The following ZNF423 variants were observed in gnomAD, a reference collection of about 807,000 sequenced individuals.
The protein encoded by ZNF423 is zinc finger protein 423.
ZNF423 carries 12 observed loss-of-function variants against 95.8 expected under a neutral mutation model. The observed-to-expected ratio is 0.13, with a 90% CI of 0.08 to 0.20. The LOEUF (loss-of-function observed/expected upper bound fraction) is 0.20. ZNF423 is among the 10% of genes least tolerant of loss of function. ZNF423 has a pLI of 1.00. For missense variants in ZNF423, 1,316 were observed against 1,737.1 expected (o/e 0.76, Z 4.31); for synonymous variants, 749 against 711.9 (o/e 1.05, Z -0.83).
At chr16:49,839,239 C>T (rs558838261) in intron 1 of ZNF423, among the ~76,000 whole-genome samples, 60 of 152,168 alleles carry the variant, frequency 3.9e-4, no homozygotes, top group Admixed American at 2.4e-3. Flanking sequence ...TCAGATCCCA[C>T]CTCCCGTCCT....
At position 49,635,871 on chromosome 16, in the gene ZNF423, C is replaced by A; in HGVS notation, c.3305G>T (p.Gly1102Val). The change falls in exon 4 of 8, where the codon GGC (glycine) becomes GTC (valine). Residue 1102 changes from glycine (G) to valine (V), a missense_variant. Transcript: ENST00000563137. The surrounding 1 kb of genome is among the most constrained non-coding windows in gnomAD (Gnocchi z 4.8). ...VNGLPYGLCA[G>V]CMARSANGQV... ...TCCGTTGGCGCTGCGGGCCATGCAG[C>A]CGGCGCAGAGGCCGTAGGGCAGCCC... 1 of 1,586,492 alleles carries A rather than the reference C, an allele frequency of 6.3e-7. No homozygotes were observed. The highest frequency in any genetic ancestry group is 8.6e-7 in the Non-Finnish European group (1 of 1,168,924).
chr16:49,811,876 G>T (rs1185265210), intron 1 of ZNF423, among the ~76,000 whole-genome samples: 1 of 151,080 alleles, frequency 6.6e-6, no homozygotes, highest in Non-Finnish European at 1.5e-5. Context: ...GCCAGCCACC[G>T]CCAGCCAGAA....
chr16:49,842,366 C>CAGGAAGGAAGGAAGGAAGGAAGGAAGGA (rs779305459), intron 1 of ZNF423, among the ~76,000 whole-genome samples: 80 of 65,136 alleles, frequency 1.2e-3, no homozygotes, highest in Non-Finnish European at 1.7e-3. Flanking sequence ...GGGAGAGAGA[C>CAGGAAGGAAGGAAGGAAGGAAGGAAGGA]AGGAAGGAAG....
At chr16:49,790,536 A>T (rs1017921758) in intron 1 of ZNF423, among the ~76,000 whole-genome samples, 1 of 152,202 alleles carries the variant, frequency 6.6e-6, no homozygotes, top group Non-Finnish European at 1.5e-5. Flanking sequence ...ACCACTGTTG[A>T]CCGGGGTACA....
intron 2 of ZNF423, among the ~76,000 whole-genome samples, chr16:49,740,143 G>C (rs2033383530): frequency 6.6e-6 from 1 of 152,094 alleles, no homozygotes; most frequent in African/African-American, 2.4e-5. Context: ...TGGGATTACA[G>C]AAGTGAGCCA....
intron 5 of ZNF423, among the ~76,000 whole-genome samples, chr16:49,546,669 G>A (rs1441995049): frequency 2.6e-5 from 4 of 152,194 alleles, no homozygotes; most frequent in African/African-American, 9.7e-5. Context: ...GGAAGCTCGA[G>A]ATGTCATCAG....
intron 5 of ZNF423, among the ~76,000 whole-genome samples, chr16:49,587,171 T>C (rs1970867167): frequency 6.6e-6 from 1 of 152,184 alleles, no homozygotes; most frequent in Admixed American, 6.5e-5. Flanking sequence ...TGAGGGTCAA[T>C]ATCCAGTTTC....
At chr16:49,562,592 TG>T (rs1257070015) in intron 5 of ZNF423, among the ~76,000 whole-genome samples, 2 of 152,238 alleles carry the variant, frequency 1.3e-5, no homozygotes, top group African/African-American at 4.8e-5. Flanking sequence ...TTGATTGTAA[TG>T]GGTGAGTTCC....
chr16:49,694,698 G>T (rs1227037112), intron 3 of ZNF423, among the ~76,000 whole-genome samples: 1 of 152,208 alleles, frequency 6.6e-6, no homozygotes, highest in Non-Finnish European at 1.5e-5. Flanking sequence ...GGAAAGGAAG[G>T]GAGGCCCTGC....
chr16:49,523,890 C>A, intron 6 of ZNF423, 151 bp from the exon 7 acceptor site: 4 of 642,842 alleles, frequency 6.2e-6, no homozygotes, highest in Non-Finnish European at 8.3e-6. Flanking sequence ...TTAGCACATA[C>A]TAGAGGAGGC....
At chr16:49,536,764 G>T (rs549525037) in intron 5 of ZNF423, among the ~76,000 whole-genome samples, 18 of 152,278 alleles carry the variant, frequency 1.2e-4, no homozygotes, top group African/African-American at 4.3e-4. Context: ...TAAACATTCA[G>T]TTCCTCAGTT....
At chr16:49,668,420 C>A (rs2030643923) in intron 3 of ZNF423, among the ~76,000 whole-genome samples, 1 of 152,178 alleles carries the variant, frequency 6.6e-6, no homozygotes, top group African/African-American at 2.4e-5. Flanking sequence ...CAGGCAGGTC[C>A]TCCTGGGATC....
At chr16:49,808,670 C>T (rs767532414) in intron 1 of ZNF423, among the ~76,000 whole-genome samples, 8 of 152,114 alleles carry the variant, frequency 5.3e-5, no homozygotes, top group East Asian at 1.9e-4. Context: ...GTGGGAGGGG[C>T]GGGGGACATG....
chr16:49,768,288 G>A (rs1596987743), intron 2 of ZNF423, among the ~76,000 whole-genome samples: 1 of 152,316 alleles, frequency 6.6e-6, no homozygotes, highest in East Asian at 1.9e-4. Context: ...GCAGACGAGA[G>A]TTCATTTCAT....
At chr16:49,704,991 C>A (rs1034876340) in intron 3 of ZNF423, among the ~76,000 whole-genome samples, 1 of 152,182 alleles carries the variant, frequency 6.6e-6, no homozygotes, top group African/African-American at 2.4e-5. Flanking sequence ...CCCTTTGCAC[C>A]CACTCCTGCC....
At chr16:49,515,638 C>T (rs1195524239) in intron 7 of ZNF423, among the ~76,000 whole-genome samples, 1 of 152,220 alleles carries the variant, frequency 6.6e-6, no homozygotes, top group Non-Finnish European at 1.5e-5. Context: ...CAGCACAGAC[C>T]TAGGGCCCAG....
chr16:49,700,513 C>A (rs1351762704), intron 3 of ZNF423, among the ~76,000 whole-genome samples: 1 of 152,154 alleles, frequency 6.6e-6, no homozygotes, highest in East Asian at 1.9e-4. Context: ...GGGGGCCGTT[C>A]CTTTCCTGAT....
intron 1 of ZNF423, among the ~76,000 whole-genome samples, chr16:49,845,332 T>C (rs2035233780): frequency 6.6e-6 from 1 of 151,816 alleles, no homozygotes; most frequent in African/African-American, 2.4e-5. Context: ...CTCAAACTCC[T>C]GATCTCAGGT....
rs938161397 is a variant in ZNF423, at chr16:49,488,754, G to A, written c.*2521C>T. ...GGGTTAGTGAGTTCTCCGAGGCACA[G>A]GTTTATAACCCTACACTGCTCCCCA... On this transcript the variant is annotated 3_prime_UTR_variant, in exon 8 of 8. Coordinates refer to ENST00000563137, the MANE Select transcript of ZNF423 (RefSeq NM_001379286.1). The A allele has an allele frequency of 6.6e-6, 1 of 152,194 alleles. No homozygotes were observed. The highest frequency in any genetic ancestry group is 2.4e-5 in the African/African-American group (1 of 41,430). 9.4% of individuals were successfully genotyped at this position (152,194 alleles called of 1,614,324 possible).
Sources: allele counts gnomAD v4.1 joint callset (sites outside exome capture counted in the v4.1 genomes callset), GRCh38; gene constraint gnomAD v4.1.1; non-coding constraint Gnocchi (gnomAD v3.1); transcripts MANE v1.5; gene names NCBI Gene and HGNC (gene_info 2026-07-23, HGNC 2026-07-21).